Variants in PALS2 observed in about 807,000 individuals in gnomAD.
PALS2 encodes protein PALS2.
PALS2 carries 27 observed loss-of-function variants against 61.6 expected under a neutral mutation model. The ratio of observed to expected loss-of-function variants is 0.44; its 90% CI spans 0.32 to 0.60. The LOEUF (loss-of-function observed/expected upper bound fraction) is 0.60, where lower values mean the gene tolerates loss of function less well. Ranked by LOEUF, PALS2 falls within the 20% of genes least tolerant of loss-of-function variation. PALS2 has a pLI of 0.05. For missense variants in PALS2, 554 were observed against 639.4 expected, an observed-to-expected ratio of 0.87 and a Z score of 1.44; for synonymous variants, 236 against 218.6, an observed-to-expected ratio of 1.08 and a Z score of -0.70.
chr7:24,641,050 A>G (rs1245358176), intron 2 of PALS2, among the ~76,000 whole-genome samples: 2 of 149,672 alleles, frequency 1.3e-5, no homozygotes, highest in Non-Finnish European at 3.0e-5. Context: ...ACTTTCTGTG[A>G]CAGTGTGGTT....
chr7:24,655,630 ATTTT>A (rs770410952), intron 5 of PALS2, among the ~76,000 whole-genome samples: 100 of 96,914 alleles, frequency 1.0e-3, no homozygotes, highest in African/African-American at 3.7e-3. Flanking sequence ...TAGTTAGTAG[ATTTT>A]TTTTTTTTTT....
intron 1 of PALS2, among the ~76,000 whole-genome samples, chr7:24,595,538 TA>T (rs1257125788): frequency 2.4e-5 from 3 of 123,350 alleles, no homozygotes; most frequent in Non-Finnish European, 5.1e-5. Context: ...ATATAATATA[TA>T]ATATATAAAT....
Position 24,687,681 on chromosome 7 carries a change from C to A in PALS2, c.*67C>A. 2.8e-6 allele frequency: 4 copies of A among 1,433,972 alleles called. No homozygotes were observed. The highest frequency in any genetic ancestry group is 3.8e-6 in the Non-Finnish European group (4 of 1,065,108). 88.8% of individuals were successfully genotyped at this position (1,433,972 alleles called of 1,614,324 possible). A position where few individuals can be genotyped will look rare whatever the true frequency, so the allele number is the denominator to read the frequency against. The stretch of plus-strand genomic sequence containing the variant: ...GTGACTGCAACAAATAAACCTTCTA[C>A]TGAGAAAATACATCACAGATAGAAG... On this transcript the variant is annotated 3_prime_UTR_variant, in exon 12 of 12. Coordinates refer to ENST00000222644, the MANE Select transcript of PALS2 (RefSeq NM_001303037.2). This position sits in a 1 kb window ranked among gnomAD's most constrained non-coding sequence, Gnocchi z 4.5.
At chr7:24,623,548 A>ATTTG (rs1784611394) in intron 1 of PALS2, 118 bp from the exon 2 acceptor site, 2 of 588,186 alleles carry the variant, frequency 3.4e-6, no homozygotes, top group Non-Finnish European at 5.9e-6. Flanking sequence ...TTTTCCAAAG[A>ATTTG]GTATTCTTAA....
intron 1 of PALS2, among the ~76,000 whole-genome samples, chr7:24,616,991 T>C (rs1460173088): frequency 2.0e-5 from 3 of 152,230 alleles, no homozygotes; most frequent in Admixed American, 6.5e-5. Context: ...ACTAGCTCAT[T>C]AAATATTTCC....
intron 8 of PALS2, among the ~76,000 whole-genome samples, chr7:24,667,830 A>AATTTTTTGT (rs1787108013): frequency 6.6e-6 from 1 of 151,566 alleles, no homozygotes; most frequent in Non-Finnish European, 1.5e-5. Context: ...ACGCCTAGCT[A>AATTTTTTGT]ATTTTTTGTA....
chr7:24,599,311 G>GACATTATTGT (rs1168076943), intron 1 of PALS2, among the ~76,000 whole-genome samples: 1 of 151,834 alleles, frequency 6.6e-6, no homozygotes, highest in Non-Finnish European at 1.5e-5. Context: ...GAAGGCCTAG[G>GACATTATTGT]ACATTATTGT....
chr7:24,619,858 TCTC>T (rs1305632818), intron 1 of PALS2, among the ~76,000 whole-genome samples: 2 of 152,102 alleles, frequency 1.3e-5, no homozygotes, highest in Non-Finnish European at 2.9e-5. Context: ...GAGTTTAGAC[TCTC>T]CTTTCTTCCC....
chr7:24,676,516 G>A (rs1297203938), intron 9 of PALS2, among the ~76,000 whole-genome samples: 3 of 151,958 alleles, frequency 2.0e-5, no homozygotes, highest in Non-Finnish European at 4.4e-5. Flanking sequence ...TAGGTCTAAC[G>A]TTTAAGTCTT....
chr7:24,614,744 C>T (rs1784232198), intron 1 of PALS2, among the ~76,000 whole-genome samples: 1 of 151,928 alleles, frequency 6.6e-6, no homozygotes, highest in Non-Finnish European at 1.5e-5. Context: ...ACCTAACAGA[C>T]ATTTACAGAA....
intron 1 of PALS2, among the ~76,000 whole-genome samples, chr7:24,617,997 A>C (rs988250253): frequency 2.0e-5 from 3 of 152,176 alleles, no homozygotes; most frequent in Non-Finnish European, 2.9e-5. Flanking sequence ...TGGGTGCACA[A>C]CTGCTTAGCC....
At chr7:24,604,347 G>A (rs1233732710) in intron 1 of PALS2, among the ~76,000 whole-genome samples, 2 of 151,892 alleles carry the variant, frequency 1.3e-5, no homozygotes, top group African/African-American at 4.8e-5. Flanking sequence ...GATTTGAAAA[G>A]CACAGTATTT....
At position 24,596,417 on chromosome 7, in the gene PALS2, C is replaced by T. The variant is rs143565939; in HGVS notation, c.-3+22824C>T. Among the ~76,000 whole-genome samples, 64 of 152,138 alleles carry T rather than the reference C, an allele frequency of 4.2e-4. 1 individual carries two copies. Among genetic ancestry groups the T allele is most frequent in the Middle Eastern group, 3.4e-3 (1 of 292 alleles). On this transcript the variant is annotated intron_variant, in intron 1 of 11. Transcript: ENST00000222644. This position sits in a 1 kb window ranked among gnomAD's most constrained non-coding sequence, Gnocchi z 4.5. The stretch of plus-strand genomic sequence containing the variant: ...TAAAGTATTATTTTGAAAACAGACC[C>T]TATCAATGAAATTTATTCTAAAATT...
In PALS2 at chr7:24,594,783, G is replaced by A. The variant is rs570497235; in HGVS notation, c.-3+21190G>A. Among the ~76,000 whole-genome samples the A allele has an allele frequency of 1.6e-4, 24 of 152,128 alleles. 2 individuals are homozygous for A. In the South Asian group the frequency reaches 4.8e-3, roughly 30 times the overall value. Reference sequence around the variant, plus strand: ...CCTATCACCATACATTATATGTATCGAAATACTACCCCATGAATGTGTGTA... The same window carrying A: ...CCTATCACCATACATTATATGTATCAAAATACTACCCCATGAATGTGTGTA... On this transcript the variant is annotated intron_variant, in intron 1 of 11. Coordinates refer to ENST00000222644, the MANE Select transcript of PALS2 (RefSeq NM_001303037.2).
At chr7:24,679,584 A>G (rs1164142652) in intron 10 of PALS2, among the ~76,000 whole-genome samples, 1 of 152,182 alleles carries the variant, frequency 6.6e-6, no homozygotes, top group African/African-American at 2.4e-5. Context: ...GAAGTTTAGT[A>G]TGTATTTATT....
intron 2 of PALS2, among the ~76,000 whole-genome samples, chr7:24,636,168 CATCAT>C (rs1448555139): frequency 1.8e-4 from 25 of 142,326 alleles, no homozygotes; most frequent in Admixed American, 1.0e-3. Context: ...GCCGAGATCA[CATCAT>C]TGCACTCCAG....
rs1396836201 is a variant in PALS2 at position 24,624,289 on chromosome 7, C to A, written c.117+505C>A. The A allele has an allele frequency of 2.3e-5, 7 of 306,614 alleles. No homozygotes were observed. The South Asian group carries it at 3.3e-4, about 15-fold the overall frequency. The allele number at this position is 306,614 out of a possible 1,614,324, so 19.0% of individuals were successfully genotyped here. ...TTAACTCATTGATAAGTATACTTTA[C>A]AACCATTTTTATTAAATAATTATTA... On this transcript the variant is annotated intron_variant, in intron 2 of 11. Transcript: ENST00000222644.
chr7:24,681,830 A>G (rs1584009184), intron 11 of PALS2, among the ~76,000 whole-genome samples: 1 of 151,998 alleles, frequency 6.6e-6, no homozygotes, highest in Non-Finnish European at 1.5e-5. Context: ...CCCTCACTGT[A>G]CTTGATTATA....
rs905761444 is a variant in PALS2, at chr7:24,690,753, T to C, written c.*3139T>C. ...TATCACATGTCAAATACATCAGGAC[T>C]TTGTTTATTTTGGCTAACTCTAACT... On this transcript the variant is annotated 3_prime_UTR_variant, in exon 12 of 12. Transcript: ENST00000222644. 1 of 152,196 alleles carries C rather than the reference T, an allele frequency of 6.6e-6. No individual in the cohort carries two copies. Among genetic ancestry groups the C allele is most frequent in the African/African-American group, 2.4e-5 (1 of 41,458 alleles). 9.4% of individuals were successfully genotyped at this position (152,196 alleles called of 1,614,324 possible).
Sources: allele counts gnomAD v4.1 joint callset (sites outside exome capture counted in the v4.1 genomes callset), GRCh38; gene constraint gnomAD v4.1.1; non-coding constraint Gnocchi (gnomAD v3.1); transcripts MANE v1.5; gene names NCBI Gene and HGNC (gene_info 2026-07-23, HGNC 2026-07-21).